The following SDHAF4 variants were observed in gnomAD, a reference collection of about 807,000 sequenced individuals.
The protein encoded by SDHAF4 is succinate dehydrogenase complex assembly factor 4.
In SDHAF4, 14 loss-of-function variants were observed where a neutral mutation model predicts 14.3. The observed-to-expected ratio is 0.98, with a 90% CI of 0.65 to 1.53. The LOEUF is 1.53. Ranked by LOEUF, SDHAF4 falls within the 40% of genes most tolerant of loss-of-function variation. The pLI, the probability that SDHAF4 is intolerant of heterozygous loss-of-function variation, is 0.00. For missense variants in SDHAF4, 141 were observed against 129.3 expected (o/e 1.09, Z -0.44); for synonymous variants, 63 against 47.3 (o/e 1.33, Z -1.36).
rs536153677 is a variant in SDHAF4 at position 70,566,968 on chromosome 6, C to T, written c.28C>T (p.Leu10Phe). 2.5e-6 allele frequency: 4 copies of T among 1,592,928 alleles called. No homozygotes were observed. The East Asian group carries it at 6.8e-5, about 27-fold the overall frequency. Residue 10 changes from leucine (L) to phenylalanine (F), a missense_variant, in exon 1 of 3, where the codon CTT (leucine) becomes TTT (phenylalanine). Physicochemically the swap from Leu to Phe is conservative, Grantham distance 22. Transcript: ENST00000370474. The stretch of plus-strand genomic sequence containing the variant: ...GACCCCATCGAGGCTTCCCTGGTTG[C>T]TTAGCTGGGTCTCGGCCACGGCGTG... MTPSRLPWL[L>F]SWVSATAWRA...
chr6:70,593,440 G>A (rs1035606028), downstream of SDHAF4, among the ~76,000 whole-genome samples: 1 of 152,234 alleles, frequency 6.6e-6, no homozygotes, highest in African/African-American at 2.4e-5. Context: ...CAACAGAGCA[G>A]TGCACTCTGG....
chr6:70,571,050 T>C (rs975073264), intron 1 of SDHAF4, among the ~76,000 whole-genome samples: 1 of 152,188 alleles, frequency 6.6e-6, no homozygotes, highest in East Asian at 1.9e-4. Context: ...GTTATACCCT[T>C]TTTGGGTTAA....
At chr6:70,570,440 A>T (rs1802164341) in intron 1 of SDHAF4, among the ~76,000 whole-genome samples, 2 of 152,080 alleles carry the variant, frequency 1.3e-5, no homozygotes, top group South Asian at 4.1e-4. Flanking sequence ...CTCCTGCCTC[A>T]GCCTCCCGAG....
the SDHAF4 span, among the ~76,000 whole-genome samples, chr6:70,598,170 G>T: frequency 1.3e-5 from 2 of 152,102 alleles, no homozygotes; most frequent in African/African-American, 4.8e-5. Flanking sequence ...TTGAAGTCAG[G>T]AGTTTGAGAC....
chr6:70,589,542 A>G lies in SDHAF4; in HGVS notation c.*818A>G, dbSNP rs917137927. The G allele has an allele frequency of 1.3e-5, 2 of 152,236 alleles. No individual in the cohort carries two copies. The highest frequency in any genetic ancestry group is 2.9e-5 in the Non-Finnish European group (2 of 68,048). The allele number at this position is 152,236 out of a possible 1,614,324, so 9.4% of individuals were successfully genotyped here. A position where few individuals can be genotyped will look rare whatever the true frequency, so the allele number is the denominator to read the frequency against. The stretch of plus-strand genomic sequence containing the variant: ...AATTAATCAGTTGCTTATAAAATGC[A>G]TACATAAATAAAATAATTTTTAAAA... On this transcript the variant is annotated 3_prime_UTR_variant, in exon 3 of 3. Coordinates refer to ENST00000370474, the MANE Select transcript of SDHAF4 (RefSeq NM_145267.3).
chr6:70,598,186 T>C, the SDHAF4 span, among the ~76,000 whole-genome samples: 2 of 152,114 alleles, frequency 1.3e-5, no homozygotes, highest in African/African-American at 4.8e-5. Flanking sequence ...GAGACCAGCC[T>C]GGCTAATATG....
intron 2 of SDHAF4, among the ~76,000 whole-genome samples, chr6:70,583,778 G>A (rs1428810060): frequency 6.6e-6 from 1 of 152,174 alleles, no homozygotes; most frequent in Admixed American, 6.5e-5. Flanking sequence ...GCCATCCTGG[G>A]CCACATGCAG....
intron 1 of SDHAF4, among the ~76,000 whole-genome samples, chr6:70,570,865 A>C (rs748496988): frequency 3.9e-5 from 6 of 152,150 alleles, no homozygotes; most frequent in Non-Finnish European, 7.4e-5. Flanking sequence ...CTCCCAAATA[A>C]TTCTGTTCTT....
chr6:70,586,147 A>G (rs773589329), intron 2 of SDHAF4, among the ~76,000 whole-genome samples: 34 of 152,278 alleles, frequency 2.2e-4, no homozygotes, highest in Admixed American at 2.6e-4. Context: ...TGTGACACCC[A>G]TGCCCCCAAA....
intron 2 of SDHAF4, 149 bp from the exon 3 acceptor site, chr6:70,588,466 G>A (rs1765228085): frequency 2.6e-6 from 1 of 388,378 alleles, no homozygotes; most frequent in Admixed American, 3.8e-5. Context: ...GTTGCAGTGA[G>A]CCCAGATCAC....
chr6:70,567,075 C>T (rs1019404042), intron 1 of SDHAF4, 71 bp downstream of exon 1: 12 of 1,427,836 alleles, frequency 8.4e-6, no homozygotes, highest in Non-Finnish European at 1.2e-5. Context: ...AGAAGCGCCT[C>T]CCGCGGAGGA....
Position 70,588,692 on chromosome 6 carries a change from T to C in SDHAF4, c.295T>C (p.Trp99Arg). Residue 99 changes from tryptophan to arginine, a missense_variant, in exon 3 of 3, where the codon TGG becomes CGG. By Grantham distance (101) the Trp-to-Arg change is moderately radical. Transcript: ENST00000370474. The stretch of plus-strand genomic sequence containing the variant: ...CCCAGAACCTACCCGATATGGAGAT[T>C]GGGAACGAAAAGGACGCTGTATTGA... ...RGPEPTRYGD[W>R]ERKGRCIDF 5.6e-6 allele frequency: 9 copies of C among 1,606,692 alleles called. No homozygotes were observed. The highest frequency in any genetic ancestry group is 7.7e-6 in the Non-Finnish European group (9 of 1,175,040).
At chr6:70,572,660 A>T (rs571102832) in intron 1 of SDHAF4, among the ~76,000 whole-genome samples, 2 of 150,476 alleles carry the variant, frequency 1.3e-5, no homozygotes, top group South Asian at 4.2e-4. Context: ...TTTTTTTTTT[A>T]AACATGCAAA....
At chr6:70,589,701 A>G (rs1562059997), downstream of SDHAF4, 2 of 152,194 alleles carry the variant, frequency 1.3e-5, no homozygotes, top group Non-Finnish European at 2.9e-5. Context: ...TAATTACCCA[A>G]TCACTTGGGT....
At chr6:70,588,286 C>A (rs1326535036) in intron 2 of SDHAF4, among the ~76,000 whole-genome samples, 1 of 152,080 alleles carries the variant, frequency 6.6e-6, no homozygotes, top group African/African-American at 2.4e-5. Context: ...TTTGGGAGGC[C>A]GAGGCAGGCA....
At chr6:70,591,607 T>G (rs1178152875), downstream of SDHAF4, among the ~76,000 whole-genome samples, 1 of 152,056 alleles carries the variant, frequency 6.6e-6, no homozygotes, top group Non-Finnish European at 1.5e-5. Context: ...GGGCCAGGTG[T>G]GAGCCACCGC....
intron 1 of SDHAF4, among the ~76,000 whole-genome samples, chr6:70,575,950 A>G (rs572396315): frequency 6.8e-6 from 1 of 147,592 alleles, no homozygotes; most frequent in East Asian, 2.0e-4. Flanking sequence ...GAGGTAGTCA[A>G]AAGTCTGCTG....
intron 2 of SDHAF4, among the ~76,000 whole-genome samples, chr6:70,588,258 C>T (rs1386916767): frequency 1.3e-5 from 2 of 152,228 alleles, no homozygotes; most frequent in African/African-American, 2.4e-5. Context: ...CGGCGGCTCA[C>T]GCCTGTAATC....
intron 1 of SDHAF4, chr6:70,567,756 G>C (rs1802121120): frequency 6.6e-6 from 1 of 152,160 alleles, no homozygotes; most frequent in African/African-American, 2.4e-5. Flanking sequence ...CGCAATCTCG[G>C]CTCACTGCAA....
Sources: allele counts gnomAD v4.1 joint callset (sites outside exome capture counted in the v4.1 genomes callset), GRCh38; gene constraint gnomAD v4.1.1; transcripts MANE v1.5; gene names NCBI Gene and HGNC (gene_info 2026-07-23, HGNC 2026-07-21).